The following BLTP3B variants were observed in gnomAD, a reference collection of about 807,000 sequenced individuals.
BLTP3B encodes UHRF1 (ICBP90) binding protein 1-like.
At chr12:100,044,433 C>G in the BLTP3B span, among the ~76,000 whole-genome samples, 4 of 152,140 alleles carry the variant, frequency 2.6e-5, no homozygotes, top group Non-Finnish European at 5.9e-5. Flanking sequence ...GAAACAGATG[C>G]ACATGTCATT....
the BLTP3B span, among the ~76,000 whole-genome samples, chr12:100,057,192 G>T: frequency 1.3e-5 from 2 of 152,068 alleles, no homozygotes; most frequent in Non-Finnish European, 2.9e-5. Context: ...CCTTAATGTC[G>T]CCTGCTTTAT....
the BLTP3B span, among the ~76,000 whole-genome samples, chr12:100,130,982 G>GGAGAGGGAGAGAGAGAGA: frequency 1.6e-5 from 1 of 62,238 alleles, no homozygotes; most frequent in Non-Finnish European, 2.9e-5. Context: ...AGAGAGGGAG[G>GGAGAGGGAGAGAGAGAGA]GAGAGAGAGA....
At chr12:100,080,268 A>G in the BLTP3B span, among the ~76,000 whole-genome samples, 1 of 152,114 alleles carries the variant, frequency 6.6e-6, no homozygotes, top group African/African-American at 2.4e-5. Context: ...ACTCAATACC[A>G]GTCCATGAAA....
At chr12:100,076,568 A>G in the BLTP3B span, among the ~76,000 whole-genome samples, 1 of 151,662 alleles carries the variant, frequency 6.6e-6, no homozygotes, top group East Asian at 1.9e-4. Flanking sequence ...TAATTTTTGT[A>G]TTTTTACTAG....
At chr12:100,111,182 G>A in the BLTP3B span, among the ~76,000 whole-genome samples, 1 of 150,266 alleles carries the variant, frequency 6.7e-6, no homozygotes. Context: ...AATGTTTGAT[G>A]AAAATTCAAG....
the BLTP3B span, among the ~76,000 whole-genome samples, chr12:100,091,765 A>G: frequency 1.3e-5 from 2 of 151,090 alleles, no homozygotes; most frequent in Non-Finnish European, 2.9e-5. Flanking sequence ...TCAGCCTCCC[A>G]AAGTGCGGGG....
chr12:100,083,927 G>A, the BLTP3B span, among the ~76,000 whole-genome samples: 419 of 152,246 alleles, frequency 2.8e-3, 4 homozygotes, highest in African/African-American at 9.5e-3. Context: ...GGTGGCTCAC[G>A]CCTGTAATCC....
the BLTP3B span, among the ~76,000 whole-genome samples, chr12:100,063,544 T>G: frequency 6.6e-6 from 1 of 151,970 alleles, no homozygotes; most frequent in East Asian, 1.9e-4. Context: ...CTGTCTCTAC[T>G]AAAAATACAA....
the BLTP3B span, chr12:100,059,268 T>G: frequency 6.2e-7 from 1 of 1,613,964 alleles, no homozygotes; most frequent in Non-Finnish European, 8.5e-7. Context: ...TTTATAAATT[T>G]CATGCATTTT....
the BLTP3B span, among the ~76,000 whole-genome samples, chr12:100,078,149 T>A: frequency 6.6e-6 from 1 of 152,166 alleles, no homozygotes; most frequent in African/African-American, 2.4e-5. Flanking sequence ...GTTTGAGTCA[T>A]GGGGGCAGAT....
the BLTP3B span, among the ~76,000 whole-genome samples, chr12:100,126,281 T>C: frequency 2.0e-5 from 3 of 152,120 alleles, no homozygotes; most frequent in East Asian, 3.8e-4. Flanking sequence ...AGATGTAAGA[T>C]AAGGCCTCAG....
the BLTP3B span, among the ~76,000 whole-genome samples, chr12:100,088,328 G>A: frequency 1.3e-5 from 2 of 152,068 alleles, no homozygotes; most frequent in Admixed American, 6.5e-5. Flanking sequence ...AAACAAAAAC[G>A]CCCAGCGCCT....
the BLTP3B span, chr12:100,098,610 G>A: frequency 6.8e-7 from 1 of 1,465,250 alleles, no homozygotes; most frequent in Non-Finnish European, 9.1e-7. Context: ...ATTAATATTT[G>A]CACATTTCTG....
At chr12:100,099,916 A>C in the BLTP3B span, among the ~76,000 whole-genome samples, 2 of 147,868 alleles carry the variant, frequency 1.4e-5, no homozygotes, top group African/African-American at 4.9e-5. Context: ...TGACAGAGAG[A>C]GATCACATTT....
the BLTP3B span, among the ~76,000 whole-genome samples, chr12:100,094,540 T>C: frequency 2.9e-4 from 44 of 152,232 alleles, no homozygotes; most frequent in Admixed American, 9.2e-4. Flanking sequence ...AGGCAGGCAA[T>C]AGATAATGCC....
chr12:100,063,207 C>G, the BLTP3B span, among the ~76,000 whole-genome samples: 2 of 152,096 alleles, frequency 1.3e-5, no homozygotes, highest in Non-Finnish European at 2.9e-5. Flanking sequence ...CTGAAAGAAG[C>G]AGATTGCTCC....
the BLTP3B span, chr12:100,108,348 C>T: frequency 6.3e-7 from 1 of 1,580,984 alleles, no homozygotes; most frequent in Admixed American, 1.9e-5. Context: ...CATGAAAGGC[C>T]TTCCACAAAT....
At chr12:100,112,904 C>T in the BLTP3B span, among the ~76,000 whole-genome samples, 1 of 150,562 alleles carries the variant, frequency 6.6e-6, no homozygotes, top group African/African-American at 2.4e-5. Flanking sequence ...GGCACAGGAG[C>T]TCATGCCTGT....
At chr12:100,070,308 C>T in the BLTP3B span, 61 of 917,456 alleles carry the variant, frequency 6.6e-5, no homozygotes, top group African/African-American at 5.4e-4. Context: ...TTTTTTGAGA[C>T]GGAGTTTCGC....
Sources: gnomAD v4.1 joint callset for allele counts (sites outside exome capture counted in the v4.1 genomes callset) on GRCh38, gnomAD v4.1.1 for gene constraint, MANE v1.5 for transcripts, NCBI Gene and HGNC (gene_info 2026-07-23, HGNC 2026-07-21) for gene names.